Variants in DOK5 observed in about 807,000 individuals in gnomAD.
DOK5 encodes downstream of tyrosine kinase 5.
Under a neutral mutation model 43.3 loss-of-function variants are expected in DOK5, and 27 were observed. The observed-to-expected ratio is 0.62, with a 90% CI of 0.46 to 0.86. The LOEUF is 0.86. Ranked by LOEUF, DOK5 falls within the 40% of genes least tolerant of loss-of-function variation. DOK5 has a pLI of 0.00. For missense variants in DOK5, 373 were observed against 392.9 expected, an observed-to-expected ratio of 0.95 and a Z score of 0.43; for synonymous variants, 146 against 140.1, an observed-to-expected ratio of 1.04 and a Z score of -0.30.
In DOK5 at chr20:54,644,713, A is replaced by AAAAAAAC. The variant is rs1555839799; in HGVS notation, c.856+1141_856+1142insCAAAAAA. On this transcript the variant is annotated intron_variant, in intron 7 of 7. Coordinates refer to ENST00000262593, the MANE Select transcript of DOK5 (RefSeq NM_018431.5). ...AGAGAGAGACTCCGTCTCAAAAAAAAAAAAAAAAAAACAAAATTTAGCTGG... is the reference window on the plus strand; with the variant it reads ...AGAGAGAGACTCCGTCTCAAAAAAAAAAAAAACAAAAAAAAAAACAAAATTTAGCTGG... Among the ~76,000 whole-genome samples the AAAAAAAC allele has an allele frequency of 1.9e-3, 98 of 51,994 alleles. 1 individual carries two copies. Among genetic ancestry groups the AAAAAAAC allele is most frequent in the Middle Eastern group, 0.017 (1 of 60 alleles). 34.1% of individuals were successfully genotyped at this position (51,994 alleles called of 152,430 possible).
intron 1 of DOK5, among the ~76,000 whole-genome samples, chr20:54,534,250 AAT>A (rs1983876915): frequency 6.6e-6 from 1 of 152,172 alleles, no homozygotes; most frequent in Non-Finnish European, 1.5e-5. Flanking sequence ...GCAGTGGTGC[AAT>A]CATGGCTCAC....
intron 2 of DOK5, among the ~76,000 whole-genome samples, chr20:54,584,736 T>TAC (rs1985750984): frequency 1.3e-5 from 2 of 149,572 alleles, no homozygotes; most frequent in Non-Finnish European, 1.5e-5. Context: ...TATATATATA[T>TAC]ACACTATAAT....
chr20:54,650,902 C>T lies in DOK5; in HGVS notation c.*423C>T, dbSNP rs1979667197. ...TTAATTATTTGTTATTTGTTTACAC[C>T]CTATTCCTCAGTTATTATTACTGTG... is the stretch of plus-strand genomic sequence containing the variant. On this transcript the variant is annotated 3_prime_UTR_variant, in exon 8 of 8. Coordinates refer to ENST00000262593, the MANE Select transcript of DOK5 (RefSeq NM_018431.5). 6.4e-6 allele frequency: 1 copy of T among 156,932 alleles called. No homozygotes were observed. The highest frequency in any genetic ancestry group is 6.3e-5 in the Admixed American group (1 of 15,822). 9.7% of individuals were successfully genotyped at this position (156,932 alleles called of 1,614,324 possible).
At chr20:54,634,888 A>T (rs1277136093) in intron 6 of DOK5, among the ~76,000 whole-genome samples, 1 of 152,146 alleles carries the variant, frequency 6.6e-6, no homozygotes, top group African/African-American at 2.4e-5. Context: ...AAACTATCAC[A>T]ATTGATTCCA....
At chr20:54,551,482 A>T (rs1188566843) in intron 1 of DOK5, among the ~76,000 whole-genome samples, 2 of 152,092 alleles carry the variant, frequency 1.3e-5, no homozygotes, top group Non-Finnish European at 2.9e-5. Context: ...CCAGACTGTG[A>T]TCTCATGCAT....
rs1383286868 is a variant in DOK5, at chr20:54,556,795, A to G, written c.174+1755A>G. Among the ~76,000 whole-genome samples, 5 of 152,184 alleles carry G rather than the reference A, an allele frequency of 3.3e-5. No individual in the cohort carries two copies. The South Asian group carries it at 6.2e-4, about 19-fold the overall frequency. ...CCCTGAGGCTCTGTACTGTCTGGTC[A>G]TTGTGTGTGGCCTTTTGGTCCTTTT... On this transcript the variant is annotated intron_variant, in intron 2 of 7. Transcript: ENST00000262593.
intron 1 of DOK5, among the ~76,000 whole-genome samples, chr20:54,502,070 G>A (rs1982630243): frequency 6.6e-6 from 1 of 152,192 alleles, no homozygotes; most frequent in African/African-American, 2.4e-5. Flanking sequence ...GAGAGAGCGT[G>A]CTCATTTGAG....
chr20:54,497,960 A>C (rs2146675302), intron 1 of DOK5, among the ~76,000 whole-genome samples: 1 of 152,326 alleles, frequency 6.6e-6, no homozygotes, highest in South Asian at 2.1e-4. Flanking sequence ...TCTTTTAGTG[A>C]ATCTATTTAA....
intron 7 of DOK5, among the ~76,000 whole-genome samples, chr20:54,644,269 A>G (rs544244523): frequency 2.9e-4 from 44 of 152,306 alleles, no homozygotes; most frequent in Middle Eastern, 6.8e-3. Flanking sequence ...AACATGAACA[A>G]TGAAAAAATC....
At chr20:54,509,749 G>A (rs1452607205) in intron 1 of DOK5, among the ~76,000 whole-genome samples, 1 of 152,068 alleles carries the variant, frequency 6.6e-6, no homozygotes, top group Non-Finnish European at 1.5e-5. Flanking sequence ...ACTCATGCTG[G>A]TAAAGACCAA....
intron 1 of DOK5, among the ~76,000 whole-genome samples, chr20:54,544,609 A>G (rs1308764486): frequency 1.3e-5 from 2 of 152,204 alleles, no homozygotes; most frequent in Non-Finnish European, 2.9e-5. Flanking sequence ...AGCTGGCTGA[A>G]CAGGAGACCG....
At chr20:54,508,769 G>A (rs6023332) in intron 1 of DOK5, among the ~76,000 whole-genome samples, 8 of 151,226 alleles carry the variant, frequency 5.3e-5, no homozygotes, top group East Asian at 2.0e-4. Flanking sequence ...TAGTAGAGAC[G>A]GGGTTTCTCC....
chr20:54,518,450 G>C (rs1336727887), intron 1 of DOK5, among the ~76,000 whole-genome samples: 1 of 152,132 alleles, frequency 6.6e-6, no homozygotes, highest in Non-Finnish European at 1.5e-5. Context: ...CAAGGGACAT[G>C]AACTCATCCT....
chr20:54,543,563 GTGTGTGTA>G (rs1324282099), intron 1 of DOK5, among the ~76,000 whole-genome samples: 2 of 151,508 alleles, frequency 1.3e-5, no homozygotes, highest in Non-Finnish European at 2.9e-5. Flanking sequence ...GTGTGTGTGT[GTGTGTGTA>G]TGTGTGTGTG....
In DOK5 at chr20:54,496,991, G is replaced by A. The variant is rs77394360; in HGVS notation, c.66+20979G>A. Among the ~76,000 whole-genome samples, 16 of 152,102 alleles carry A rather than the reference G, an allele frequency of 1.1e-4. No individual in the cohort carries two copies. The East Asian group carries it at 2.1e-3, about 20-fold the overall frequency. On this transcript the variant is annotated intron_variant, in intron 1 of 7. Transcript: ENST00000262593. Reference sequence around the variant, plus strand: ...CAGAGCATAAACCTCTGTGGGAGGCGGTGGACAGACAGATCTTTCTATACC... The same window carrying A: ...CAGAGCATAAACCTCTGTGGGAGGCAGTGGACAGACAGATCTTTCTATACC...
At chr20:54,636,189 C>T (rs1317411271) in intron 6 of DOK5, among the ~76,000 whole-genome samples, 1 of 152,222 alleles carries the variant, frequency 6.6e-6, no homozygotes. Flanking sequence ...AGGCTGGCTG[C>T]CTTCATTTAT....
At chr20:54,480,936 CATCT>C (rs760639654) in intron 1 of DOK5, among the ~76,000 whole-genome samples, 1,763 of 126,394 alleles carry the variant, frequency 0.014, 26 homozygotes, top group Non-Finnish European at 0.02. Context: ...AATCATCTAT[CATCT>C]ATCTATCTAT....
chr20:54,532,447 G>A (rs1437149939), intron 1 of DOK5, among the ~76,000 whole-genome samples: 1 of 152,196 alleles, frequency 6.6e-6, no homozygotes, highest in Non-Finnish European at 1.5e-5. Flanking sequence ...CCAAGTGGAA[G>A]GGTGTGGAAT....
At chr20:54,557,435 A>T (rs1206083400) in intron 2 of DOK5, among the ~76,000 whole-genome samples, 1 of 152,158 alleles carries the variant, frequency 6.6e-6, no homozygotes, top group African/African-American at 2.4e-5. Context: ...TCAGGCAGGA[A>T]TGCTTGCTCA....
Sources: allele counts gnomAD v4.1 joint callset (sites outside exome capture counted in the v4.1 genomes callset), GRCh38; gene constraint gnomAD v4.1.1; transcripts MANE v1.5; gene names NCBI Gene and HGNC (gene_info 2026-07-23, HGNC 2026-07-21).